Variants in FOXJ3 observed in about 807,000 individuals in gnomAD.
The protein encoded by FOXJ3 is forkhead box J3.
Under a neutral mutation model 76.1 loss-of-function variants are expected in FOXJ3, and 22 were observed. That is an observed-to-expected ratio of 0.29 (90% CI 0.21 to 0.41). FOXJ3 has a LOEUF of 0.41. FOXJ3 is among the 10% of genes least tolerant of loss of function. The pLI is 1.00. For synonymous variants in FOXJ3, 269 were observed against 261.2 expected (o/e 1.03, Z -0.29); for missense variants, 613 against 762.1 (o/e 0.80, Z 2.30).
chr1:42,216,048 T>A (rs74995749), intron 5 of FOXJ3, among the ~76,000 whole-genome samples: 1,719 of 152,220 alleles, frequency 0.011, 14 homozygotes, highest in Non-Finnish European at 0.019. Context: ...GAAAATTTTT[T>A]AAAAATGAAG....
intron 4 of FOXJ3, among the ~76,000 whole-genome samples, chr1:42,247,026 G>C (rs1299230685): frequency 2.6e-5 from 4 of 152,144 alleles, no homozygotes; most frequent in Non-Finnish European, 2.9e-5. Flanking sequence ...GATGGGAAGA[G>C]TGTAGCAGTG....
At chr1:42,241,045 G>A (rs771590521) in intron 4 of FOXJ3, among the ~76,000 whole-genome samples, 2 of 152,158 alleles carry the variant, frequency 1.3e-5, no homozygotes, top group Non-Finnish European at 2.9e-5. Flanking sequence ...GGAAGGAGGC[G>A]AGGGAAGCAG....
intron 4 of FOXJ3, among the ~76,000 whole-genome samples, chr1:42,229,958 A>G (rs1266848737): frequency 2.6e-5 from 4 of 152,204 alleles, no homozygotes; most frequent in Non-Finnish European, 4.4e-5. Context: ...AAACCATTCA[A>G]TGTCCAAACT....
At position 42,191,671 on chromosome 1, in the gene FOXJ3, C is replaced by T. The variant is rs996409686; in HGVS notation, c.983G>A (p.Cys328Tyr). The T allele has an allele frequency of 6.2e-7, 1 of 1,614,020 alleles. No individual in the cohort carries two copies. ...SESSQQSHTS[C>Y]TYQHSPSSTV... Reference sequence around the variant, plus strand: ...ACTGCTGGGAGAGTGCTGATAGGTACATGAAGTGTGGGACTGCTGGGAAGA... The same window carrying T: ...ACTGCTGGGAGAGTGCTGATAGGTATATGAAGTGTGGGACTGCTGGGAAGA... Residue 328 changes from cysteine (C) to tyrosine (Y), a missense_variant, in exon 9 of 13, where the codon TGT (cysteine) becomes TAT (tyrosine). By Grantham distance (194) the Cys-to-Tyr change is radical. Transcript: ENST00000361346.
At chr1:42,183,308 T>G (rs1441149817) in intron 11 of FOXJ3, among the ~76,000 whole-genome samples, 48 of 3,826 alleles carry the variant, frequency 0.013, no homozygotes, top group Non-Finnish European at 0.017. Context: ...CGGGGCGGGG[T>G]GGGGGAGGGG....
At chr1:42,265,552 TTTTA>T (rs770130123) in intron 3 of FOXJ3, among the ~76,000 whole-genome samples, 3 of 152,178 alleles carry the variant, frequency 2.0e-5, no homozygotes, top group Admixed American at 2.0e-4. Flanking sequence ...GTGGTACTTA[TTTTA>T]TTTATTTATT....
chr1:42,330,696 C>T (rs1489780486), intron 1 of FOXJ3, among the ~76,000 whole-genome samples: 1 of 152,120 alleles, frequency 6.6e-6, no homozygotes, highest in Admixed American at 6.5e-5. Context: ...ATTTTCCAGT[C>T]CCTCTAAGTC....
At chr1:42,239,671 T>C (rs1648974243) in intron 4 of FOXJ3, among the ~76,000 whole-genome samples, 1 of 152,236 alleles carries the variant, frequency 6.6e-6, no homozygotes, top group South Asian at 2.1e-4. Context: ...TTCTAGAGTA[T>C]TATTACTCTG....
At chr1:42,275,484 C>T (rs1652192125) in intron 3 of FOXJ3, among the ~76,000 whole-genome samples, 2 of 151,922 alleles carry the variant, frequency 1.3e-5, no homozygotes, top group Admixed American at 1.3e-4. Context: ...TCACTTGAGG[C>T]CAAGACCAGT....
At chr1:42,233,086 T>C (rs918981166) in intron 4 of FOXJ3, among the ~76,000 whole-genome samples, 1 of 117,576 alleles carries the variant, frequency 8.5e-6, no homozygotes, top group Non-Finnish European at 1.8e-5. Flanking sequence ...CTCAGGTTTG[T>C]CAAAATCAGA....
Position 42,237,904 on chromosome 1 carries a change from A to G in FOXJ3, c.445-9938T>C, listed in dbSNP as rs915372154. On this transcript the variant is annotated intron_variant, in intron 4 of 12. Transcript: ENST00000361346. ...CCTACTGAATTACATTGGTACCTCT[A>G]TCAAAATACACACACACACACACAC... Among the ~76,000 whole-genome samples, 6 of 98,924 alleles carry G rather than the reference A, an allele frequency of 6.1e-5. No individual in the cohort carries two copies. In the Admixed American group the frequency reaches 6.3e-4, roughly 10 times the overall value. 64.9% of individuals were successfully genotyped at this position (98,924 alleles called of 152,430 possible).
At chr1:42,209,281 T>C (rs1646920304) in intron 5 of FOXJ3, among the ~76,000 whole-genome samples, 1 of 152,194 alleles carries the variant, frequency 6.6e-6, no homozygotes, top group African/African-American at 2.4e-5. Flanking sequence ...AAAAAGCTAT[T>C]AAGAAAACAA....
At chr1:42,247,741 AT>A (rs1198375224) in intron 4 of FOXJ3, among the ~76,000 whole-genome samples, 1 of 152,240 alleles carries the variant, frequency 6.6e-6, no homozygotes, top group East Asian at 1.9e-4. Context: ...CAGCAATTCC[AT>A]TCCTAAAAAA....
At chr1:42,302,519 G>A (rs560366746) in intron 2 of FOXJ3, among the ~76,000 whole-genome samples, 17 of 152,328 alleles carry the variant, frequency 1.1e-4, no homozygotes, top group African/African-American at 3.8e-4. Context: ...GGGGAGAGCT[G>A]GGGTCCAATG....
chr1:42,315,823 T>G (rs1291055351), intron 1 of FOXJ3, among the ~76,000 whole-genome samples: 1 of 152,220 alleles, frequency 6.6e-6, no homozygotes, highest in Non-Finnish European at 1.5e-5. Context: ...CCATAATTTA[T>G]TTACATGGTT....
rs777048170 is a variant in FOXJ3, at chr1:42,199,178, A to G, written c.683T>C (p.Leu228Pro). The stretch of plus-strand genomic sequence containing the variant: ...ACTCTGGTCTGAGAGACTGTTGTTA[A>G]GGCTACTGCGTGGGCTATCACTACC... ...QDGSDSPRSS[L>P]NNSLSDQSLA... The change falls in exon 7 of 13, where the codon CTT (leucine) becomes CCT (proline). Residue 228 changes from leucine (L) to proline (P), a missense_variant. Physicochemically the swap from Leu to Pro is moderately conservative, Grantham distance 98. Transcript: ENST00000361346. 1.9e-6 allele frequency: 3 copies of G among 1,612,934 alleles called. No individual in the cohort carries two copies. Among genetic ancestry groups the G allele is most frequent in the Non-Finnish European group, 8.5e-7 (1 of 1,179,044 alleles).
Position 42,205,765 on chromosome 1 carries a change from G to T in FOXJ3, c.627C>A (p.Asn209Lys), listed in dbSNP as rs1353278574. The change falls in exon 6 of 13, where the codon AAC (asparagine) becomes AAA (lysine). Residue 209 changes from asparagine (N) to lysine (K), a missense_variant. Transcript: ENST00000361346. The part of the protein sequence containing the change: ...SPTLAINTVT[N>K]KVTLYNTDQD... ...ATGTTTAAAAAAATGAAATTACTTT[G>T]TTAGTCACAGTGTTGATTGCCAGAG... 4.5e-6 allele frequency: 7 copies of T among 1,541,580 alleles called. No individual in the cohort carries two copies. The highest frequency in any genetic ancestry group is 2.2e-5 in the East Asian group (1 of 44,532).
chr1:42,198,874 C>A (rs1201974446), intron 7 of FOXJ3, among the ~76,000 whole-genome samples: 4 of 152,088 alleles, frequency 2.6e-5, no homozygotes, highest in African/African-American at 9.7e-5. Context: ...ATAAAGTAGA[C>A]CAAAATCTGT....
At chr1:42,183,305 G>C (rs1352405858) in intron 11 of FOXJ3, among the ~76,000 whole-genome samples, 3 of 95,952 alleles carry the variant, frequency 3.1e-5, no homozygotes, top group Non-Finnish European at 5.9e-5. Flanking sequence ...GGGCGGGGCG[G>C]GGTGGGGGAG....
Sources: allele counts gnomAD v4.1 joint callset (sites outside exome capture counted in the v4.1 genomes callset), GRCh38; gene constraint gnomAD v4.1.1; transcripts MANE v1.5; gene names NCBI Gene and HGNC (gene_info 2026-07-23, HGNC 2026-07-21).